Variants in SBF2 observed in about 807,000 individuals in gnomAD.
SBF2 encodes myotubularin-related protein 13.
In SBF2, 112 loss-of-function variants were observed where a neutral mutation model predicts 225.2. That is an observed-to-expected ratio of 0.50 (90% confidence interval 0.43 to 0.58). The LOEUF (loss-of-function observed/expected upper bound fraction) is 0.58, where lower values mean the gene tolerates loss of function less well. SBF2 is among the 20% of genes least tolerant of loss of function. The pLI is 0.00. For missense variants in SBF2, 1,996 were observed against 2,206.2 expected (o/e 0.90, Z 1.91); for synonymous variants, 763 against 773.3 (o/e 0.99, Z 0.22).
Position 9,963,790 on chromosome 11 carries a change from T to C in SBF2, c.1693A>G (p.Ile565Val). 1.3e-6 allele frequency: 2 copies of C among 1,580,434 alleles called. No homozygotes were observed. Among genetic ancestry groups the C allele is most frequent in the Non-Finnish European group, 1.7e-6 (2 of 1,152,068 alleles). ...NCISFIFENKILETEKTLPAA... is the reference protein window; with the variant it reads ...NCISFIFENKVLETEKTLPAA... ...TTTATTACCTTTTCAGTTTCCAAAATTTTATTTTCAAATATGAATGAGATA... is the reference window on the plus strand; with the variant it reads ...TTTATTACCTTTTCAGTTTCCAAAACTTTATTTTCAAATATGAATGAGATA... Residue 565 changes from isoleucine to valine, a missense_variant, in exon 15 of 40, where the codon ATT becomes GTT. Transcript: ENST00000256190.
chr11:9,859,369 T>C (rs1857548892), intron 17 of SBF2, among the ~76,000 whole-genome samples: 1 of 152,246 alleles, frequency 6.6e-6, no homozygotes, highest in South Asian at 2.1e-4. Context: ...TAAATTTTAA[T>C]GATAATTTAC....
chr11:10,085,336 GTAAAT>G (rs759188740), intron 2 of SBF2, among the ~76,000 whole-genome samples: 50 of 152,146 alleles, frequency 3.3e-4, no homozygotes, highest in Admixed American at 5.9e-4. Flanking sequence ...TTTAGCTGTG[GTAAAT>G]TAAATTGTTT....
intron 28 of SBF2, chr11:9,828,089 T>G (rs1855171178): frequency 1.7e-6 from 2 of 1,172,784 alleles, no homozygotes; most frequent in Admixed American, 2.8e-5. Flanking sequence ...CTTTTAAGCT[T>G]GCATCAGTGC....
chr11:10,180,079 T>C (rs1956671174), intron 2 of SBF2, among the ~76,000 whole-genome samples: 2 of 152,188 alleles, frequency 1.3e-5, no homozygotes, highest in Non-Finnish European at 2.9e-5. Context: ...TGAAAAGTCC[T>C]TGTGGTTTTT....
chr11:10,238,522 A>C lies in SBF2; in HGVS notation c.56-44535T>G, dbSNP rs1959166932. Among the ~76,000 whole-genome samples the C allele has an allele frequency of 1.5e-5, 2 of 136,480 alleles. 1 individual carries two copies. The highest frequency in any genetic ancestry group is 5.4e-4 in the South Asian group (2 of 3,702). The allele number at this position is 136,480 out of a possible 152,430, so 89.5% of individuals were successfully genotyped here. A position where few individuals can be genotyped will look rare whatever the true frequency, so the allele number is the denominator to read the frequency against. ...AATACTTCATATTGAAAAAAGCTTG[A>C]ATTCCACAAGAAGATTAACATTTTC... is the stretch of plus-strand genomic sequence containing the variant. On this transcript the variant is annotated intron_variant, in intron 1 of 39. Transcript: ENST00000256190.
chr11:10,187,050 C>A (rs537526749), intron 2 of SBF2, among the ~76,000 whole-genome samples: 4 of 152,178 alleles, frequency 2.6e-5, no homozygotes, highest in African/African-American at 9.6e-5. Context: ...GTTTATTTAC[C>A]AATCTCCTAT....
intron 2 of SBF2, among the ~76,000 whole-genome samples, chr11:10,130,675 C>T (rs960336145): frequency 6.6e-6 from 1 of 152,164 alleles, no homozygotes; most frequent in East Asian, 1.9e-4. Context: ...TCATGCTACA[C>T]TTTTATAGTT....
intron 2 of SBF2, among the ~76,000 whole-genome samples, chr11:10,170,689 T>A (rs1191335018): frequency 6.6e-6 from 1 of 152,156 alleles, no homozygotes; most frequent in Non-Finnish European, 1.5e-5. Context: ...GTAAAGAATG[T>A]TATTGATATT....
At chr11:9,861,663 CAAAA>C (rs1193095357) in intron 17 of SBF2, among the ~76,000 whole-genome samples, 2 of 83,448 alleles carry the variant, frequency 2.4e-5, no homozygotes, top group Admixed American at 1.3e-4. Flanking sequence ...GACTCCATCT[CAAAA>C]AAAAAAAAAA....
At chr11:9,938,150 G>C (rs1865016974) in intron 16 of SBF2, among the ~76,000 whole-genome samples, 1 of 151,980 alleles carries the variant, frequency 6.6e-6, no homozygotes, top group African/African-American at 2.4e-5. Context: ...AATTAGCCGG[G>C]CGTGGTGGCG....
At chr11:9,955,141 A>G (rs1415607674) in intron 16 of SBF2, among the ~76,000 whole-genome samples, 5 of 152,032 alleles carry the variant, frequency 3.3e-5, no homozygotes, top group African/African-American at 9.7e-5. Context: ...TGCTTGTTAT[A>G]TATCTTATAT....
At chr11:9,860,982 A>G (rs567228307) in intron 17 of SBF2, among the ~76,000 whole-genome samples, 34 of 152,316 alleles carry the variant, frequency 2.2e-4, no homozygotes, top group Admixed American at 1.8e-3. Flanking sequence ...CTGATGGTGT[A>G]TATTTGCTTT....
intron 27 of SBF2, 66 bp downstream of exon 27, chr11:9,832,158 C>T (rs1433669365): frequency 1.1e-5 from 16 of 1,436,698 alleles, no homozygotes; most frequent in Non-Finnish European, 1.6e-5. Context: ...CCAGATTTTA[C>T]TTCCTTTATT....
At chr11:10,005,521 C>T (rs1948152548) in intron 6 of SBF2, among the ~76,000 whole-genome samples, 1 of 152,178 alleles carries the variant, frequency 6.6e-6, no homozygotes, top group South Asian at 2.1e-4. Flanking sequence ...TTCATTCCTG[C>T]TCTAATACTT....
At chr11:9,929,607 G>A (rs755105954) in intron 16 of SBF2, among the ~76,000 whole-genome samples, 1 of 152,100 alleles carries the variant, frequency 6.6e-6, no homozygotes, top group Non-Finnish European at 1.5e-5. Flanking sequence ...AGCTGGCATT[G>A]GTCAACAGAA....
At chr11:9,994,808 G>A (rs1332785748) in intron 9 of SBF2, among the ~76,000 whole-genome samples, 1 of 152,074 alleles carries the variant, frequency 6.6e-6, no homozygotes, top group African/African-American at 2.4e-5. Context: ...AGGGCAACGT[G>A]GGTGGATCAC....
At chr11:10,299,952 T>C (rs914127422) in intron 1 of SBF2, among the ~76,000 whole-genome samples, 3 of 152,214 alleles carry the variant, frequency 2.0e-5, no homozygotes. Flanking sequence ...AAGGGTCCTA[T>C]TTACTCTGAC....
chr11:9,983,559 C>A (rs1378158495), intron 13 of SBF2, among the ~76,000 whole-genome samples: 3 of 152,152 alleles, frequency 2.0e-5, no homozygotes, highest in African/African-American at 4.8e-5. Context: ...CACCACTGGT[C>A]CCTCTCCACA....
intron 1 of SBF2, among the ~76,000 whole-genome samples, chr11:10,243,632 A>G (rs1235013475): frequency 6.6e-6 from 1 of 152,072 alleles, no homozygotes; most frequent in African/African-American, 2.4e-5. Flanking sequence ...ATTACAATTG[A>G]TGCCACAAAA....
Sources: gnomAD v4.1 joint callset for allele counts (sites outside exome capture counted in the v4.1 genomes callset) on GRCh38, gnomAD v4.1.1 for gene constraint, MANE v1.5 for transcripts, NCBI Gene and HGNC (gene_info 2026-07-23, HGNC 2026-07-21) for gene names.